Variants in EEFSEC observed in about 807,000 individuals in gnomAD.
EEFSEC encodes the protein eukaryotic elongation factor, selenocysteine-tRNA specific, also known as selenocysteine-specific elongation factor.
A neutral mutation model predicts 42.1 loss-of-function variants in EEFSEC; 43 were observed. The ratio of observed to expected loss-of-function variants is 1.02; its 90% confidence interval spans 0.80 to 1.32. EEFSEC has a LOEUF of 1.32. Among genes scored for constraint, EEFSEC ranks in the 40% most tolerant of loss-of-function variants. The pLI, the probability that EEFSEC is intolerant of heterozygous loss-of-function variation, is 0.00. For missense variants in EEFSEC, 745 were observed against 803.6 expected, an observed-to-expected ratio of 0.93 and a Z score of 0.88; for synonymous variants, 354 against 339.1, an observed-to-expected ratio of 1.04 and a Z score of -0.48.
the EEFSEC span, among the ~76,000 whole-genome samples, chr3:128,425,621 C>A: frequency 6.6e-6 from 1 of 152,260 alleles, no homozygotes; most frequent in Non-Finnish European, 1.5e-5. Context: ...TTACCTTTCA[C>A]TCAACACATT....
chr3:128,221,140 G>T (rs1320812107), intron 1 of EEFSEC, among the ~76,000 whole-genome samples: 1 of 152,214 alleles, frequency 6.6e-6, no homozygotes, highest in Non-Finnish European at 1.5e-5. Context: ...AGTTAACATG[G>T]TGGGCCATGC....
chr3:128,194,173 C>T (rs1297399928), intron 1 of EEFSEC, among the ~76,000 whole-genome samples: 2 of 152,214 alleles, frequency 1.3e-5, no homozygotes, highest in Non-Finnish European at 2.9e-5. Context: ...ATAAAAAAGA[C>T]AGGGTGCCCA....
intron 1 of EEFSEC, among the ~76,000 whole-genome samples, chr3:128,224,009 CT>C (rs2065885578): frequency 6.6e-6 from 1 of 151,194 alleles, no homozygotes. Flanking sequence ...CTATTCTTTC[CT>C]GCTCTTTTTG....
chr3:128,257,869 G>C (rs1020806972), intron 2 of EEFSEC, among the ~76,000 whole-genome samples: 6 of 152,158 alleles, frequency 3.9e-5, no homozygotes, highest in African/African-American at 9.7e-5. Context: ...CATGCTAGGA[G>C]CCAGGAGCAG....
At chr3:128,268,676 G>A (rs1576594040) in intron 4 of EEFSEC, among the ~76,000 whole-genome samples, 1 of 152,042 alleles carries the variant, frequency 6.6e-6, no homozygotes, top group East Asian at 1.9e-4. Context: ...ACAGAGAGAA[G>A]TCCATATAAA....
At chr3:128,219,170 A>C (rs891583106) in intron 1 of EEFSEC, among the ~76,000 whole-genome samples, 2 of 152,208 alleles carry the variant, frequency 1.3e-5, no homozygotes, top group Non-Finnish European at 2.9e-5. Flanking sequence ...CCATTTCCCC[A>C]GTGCTATCCT....
intron 4 of EEFSEC, among the ~76,000 whole-genome samples, chr3:128,339,028 C>T (rs940294288): frequency 6.6e-6 from 1 of 152,178 alleles, no homozygotes; most frequent in African/African-American, 2.4e-5. Context: ...GAGTTGTGAC[C>T]TGGGCCCCAC....
chr3:128,199,102 G>T (rs2065617497), intron 1 of EEFSEC, among the ~76,000 whole-genome samples: 1 of 152,220 alleles, frequency 6.6e-6, no homozygotes, highest in Non-Finnish European at 1.5e-5. Flanking sequence ...AAAGTGCTGG[G>T]ATTACAGGCT....
intron 4 of EEFSEC, among the ~76,000 whole-genome samples, chr3:128,273,190 T>C (rs1427748111): frequency 6.6e-6 from 1 of 152,212 alleles, no homozygotes; most frequent in Non-Finnish European, 1.5e-5. Flanking sequence ...GCTCTGCATT[T>C]CCTGCCTGCA....
chr3:128,162,775 A>G (rs2107763237), intron 1 of EEFSEC, among the ~76,000 whole-genome samples: 1 of 152,368 alleles, frequency 6.6e-6, no homozygotes, highest in African/African-American at 2.4e-5. Flanking sequence ...TAGTCGTGCT[A>G]GGAATAGAAA....
intron 4 of EEFSEC, among the ~76,000 whole-genome samples, chr3:128,299,958 T>C (rs1363223035): frequency 6.6e-6 from 1 of 152,246 alleles, no homozygotes; most frequent in Non-Finnish European, 1.5e-5. Flanking sequence ...ACTTTGGCTC[T>C]GCCCCTTTCC....
intron 4 of EEFSEC, among the ~76,000 whole-genome samples, chr3:128,320,433 AC>A (rs2066994456): frequency 6.6e-6 from 1 of 152,364 alleles, no homozygotes; most frequent in South Asian, 2.1e-4. Context: ...TAATCATTTC[AC>A]GTGGATTATC....
At chr3:128,232,686 A>G (rs1468158524) in intron 1 of EEFSEC, among the ~76,000 whole-genome samples, 1 of 152,180 alleles carries the variant, frequency 6.6e-6, no homozygotes, top group Non-Finnish European at 1.5e-5. Flanking sequence ...TTCAAATTCC[A>G]TTTTCTGCTC....
chr3:128,179,865 G>C (rs1230829546), intron 1 of EEFSEC, among the ~76,000 whole-genome samples: 1 of 152,096 alleles, frequency 6.6e-6, no homozygotes, highest in Non-Finnish European at 1.5e-5. Flanking sequence ...AGCAAGGTAG[G>C]AGATTACTGT....
chr3:128,238,832 G>C (rs1387449531), intron 1 of EEFSEC, among the ~76,000 whole-genome samples: 1 of 152,220 alleles, frequency 6.6e-6, no homozygotes, highest in African/African-American at 2.4e-5. Flanking sequence ...CAGTGTCCCT[G>C]CTGGACGCTG....
At chr3:128,266,366 G>A (rs376822600) in intron 4 of EEFSEC, among the ~76,000 whole-genome samples, 1 of 152,038 alleles carries the variant, frequency 6.6e-6, no homozygotes, top group African/African-American at 2.4e-5. Context: ...CATGTCTTGC[G>A]TGTGCCATCC....
chr3:128,303,681 T>A lies in EEFSEC; in HGVS notation c.787-37552T>A, dbSNP rs149080207. Reference sequence around the variant, plus strand: ...ATTAAACTTTTGACTTGGTTTTTTTTATCCATTTAGAAGTTTTACATACTT... The same window carrying A: ...ATTAAACTTTTGACTTGGTTTTTTTAATCCATTTAGAAGTTTTACATACTT... On this transcript the variant is annotated intron_variant, in intron 4 of 6. Transcript: ENST00000254730. Among the ~76,000 whole-genome samples the A allele has an allele frequency of 6.5e-3, 990 of 152,340 alleles. 11 individuals are homozygous for A. The highest frequency in any genetic ancestry group is 0.031 in the South Asian group (152 of 4,828).
At chr3:128,309,343 A>G (rs1360758419) in intron 4 of EEFSEC, among the ~76,000 whole-genome samples, 1 of 152,124 alleles carries the variant, frequency 6.6e-6, no homozygotes, top group Non-Finnish European at 1.5e-5. Context: ...AGTTAGAGGA[A>G]GAAATGGGAA....
intron 4 of EEFSEC, among the ~76,000 whole-genome samples, chr3:128,266,441 G>C (rs1396745647): frequency 6.6e-6 from 1 of 151,980 alleles, no homozygotes; most frequent in African/African-American, 2.4e-5. Flanking sequence ...GCATGAACAG[G>C]GTTCCCCCAA....
Sources: allele counts gnomAD v4.1 joint callset (sites outside exome capture counted in the v4.1 genomes callset), GRCh38; gene constraint gnomAD v4.1.1; transcripts MANE v1.5; gene names NCBI Gene and HGNC (gene_info 2026-07-23, HGNC 2026-07-21).